BCDIN3D: variants seen among roughly 807,000 people sequenced by gnomAD.
The protein encoded by BCDIN3D is RNA 5'-monophosphate methyltransferase.
A neutral mutation model predicts 21.2 loss-of-function variants in BCDIN3D; 15 were observed. The observed-to-expected ratio is 0.71, with a 90% CI of 0.47 to 1.09. BCDIN3D has a LOEUF of 1.09. Ranked by LOEUF, BCDIN3D falls within the 50% of genes least tolerant of loss-of-function variation. The pLI is 0.00. For missense variants in BCDIN3D, 331 were observed against 366.2 expected, an observed-to-expected ratio of 0.90 and a Z score of 0.79; for synonymous variants, 127 against 141.9, an observed-to-expected ratio of 0.90 and a Z score of 0.75.
At chr12:49,842,791 A>G in intron 1 of BCDIN3D, 63 bp downstream of exon 1, 4 of 1,402,830 alleles carry the variant, frequency 2.9e-6, no homozygotes, top group South Asian at 2.6e-5. Flanking sequence ...CCAGAACCAC[A>G]GTGGATGTGT....
At chr12:49,839,048 G>T (rs1176453981) in intron 1 of BCDIN3D, 33 bp from the exon 2 acceptor site, 2 of 1,586,174 alleles carry the variant, frequency 1.3e-6, no homozygotes, top group Non-Finnish European at 1.7e-6. Flanking sequence ...TGTCACTGCA[G>T]TTCTCAATCA....
rs1157120416 is a variant in BCDIN3D at position 49,837,454 on chromosome 12, AT to A, written c.*916del. 2 of 151,118 alleles carry A rather than the reference AT, an allele frequency of 1.3e-5. No individual in the cohort carries two copies. Among genetic ancestry groups the A allele is most frequent in the South Asian group, 4.2e-4 (2 of 4,774 alleles). The allele number at this position is 151,118 out of a possible 1,614,324, so 9.4% of individuals were successfully genotyped here. A position where few individuals can be genotyped will look rare whatever the true frequency, so the allele number is the denominator to read the frequency against. On this transcript the variant is annotated 3_prime_UTR_variant, in exon 2 of 2. Coordinates refer to ENST00000333924, the MANE Select transcript of BCDIN3D (RefSeq NM_181708.3). ...AGGCGCCCGCCACTACGCCCGGCTA[AT>A]TTTTTGTATTTTTAGTAGAGACGGG...
Position 49,838,933 on chromosome 12 carries a change from A to T in BCDIN3D, c.317T>A (p.Leu106His). 6.2e-7 allele frequency: 1 copy of T among 1,614,176 alleles called. No individual in the cohort carries two copies. Among genetic ancestry groups the T allele is most frequent in the Non-Finnish European group, 8.5e-7 (1 of 1,180,034 alleles). Reference sequence around the variant, plus strand: ...GACTGGATCTATGTCGCAGCAGAGGAGACGGAATTCTCTTGAGGCATCTGA... The same window carrying T: ...GACTGGATCTATGTCGCAGCAGAGGTGACGGAATTCTCTTGAGGCATCTGA... ...TCSDASREFR[L>H]LCCDIDPVLV... Residue 106 changes from leucine to histidine, a missense_variant, in exon 2 of 2, where the codon CTC becomes CAC. Coordinates refer to ENST00000333924, the MANE Select transcript of BCDIN3D (RefSeq NM_181708.3).
chr12:49,836,462 G>A lies in BCDIN3D; in HGVS notation c.*1909C>T, dbSNP rs1191218356. On this transcript the variant is annotated 3_prime_UTR_variant, in exon 2 of 2. Coordinates refer to ENST00000333924, the MANE Select transcript of BCDIN3D (RefSeq NM_181708.3). The stretch of plus-strand genomic sequence containing the variant: ...GTGCGCTGCCTTGGTGGAGTGAGAG[G>A]AGAGAGCACCCAGCAGGGTTACAGG... 1.3e-5 allele frequency: 2 copies of A among 152,208 alleles called. No homozygotes were observed. Among genetic ancestry groups the A allele is most frequent in the Admixed American group, 1.3e-4 (2 of 15,274 alleles). The allele number at this position is 152,208 out of a possible 1,614,324, so 9.4% of individuals were successfully genotyped here.
At chr12:49,840,924 C>A (rs768370360) in intron 1 of BCDIN3D, 1 of 151,834 alleles carries the variant, frequency 6.6e-6, no homozygotes, top group South Asian at 2.1e-4. Flanking sequence ...TGGGTTCAAG[C>A]GATCCTCCTC....
chr12:49,841,252 C>T (rs1175347360), intron 1 of BCDIN3D: 4 of 152,118 alleles, frequency 2.6e-5, no homozygotes, highest in African/African-American at 9.7e-5. Context: ...AAATTATAAA[C>T]AGTAGTGCCA....
At position 49,842,947 on chromosome 12, in the gene BCDIN3D, G is replaced by A. The variant is rs1365431636; in HGVS notation, c.141C>T (p.Leu47=). Reference sequence around the variant, plus strand: ...GAAGCAGCTCCGGGGGCAGGAGGCGGAGCCGTTGCTCCGGAGGGTGGAAGC... The same window carrying A: ...GAAGCAGCTCCGGGGGCAGGAGGCGAAGCCGTTGCTCCGGAGGGTGGAAGC... ...YSRFHPPEQR[L]RLLPPELLRQ... is the part of the protein sequence containing the mutation. The change falls in exon 1 of 2, where the codon CTC becomes CTT. Residue 47 remains leucine, a synonymous_variant. Transcript: ENST00000333924. 39 of 1,614,236 alleles carry A rather than the reference G, an allele frequency of 2.4e-5. No individual in the cohort carries two copies. The highest frequency in any genetic ancestry group is 3.1e-5 in the Non-Finnish European group (37 of 1,180,044).
chr12:49,836,416 C>T lies in BCDIN3D; in HGVS notation c.*1955G>A, dbSNP rs1946506053. The T allele has an allele frequency of 6.6e-6, 1 of 152,202 alleles. No individual in the cohort carries two copies. The highest frequency in any genetic ancestry group is 1.5e-5 in the Non-Finnish European group (1 of 68,038). The allele number at this position is 152,202 out of a possible 1,614,324, so 9.4% of individuals were successfully genotyped here. ...CTTGGGGGACCATTATTCATCCTAC[C>T]ACAGCCCCATGTATGTTTCTGTGCG... is the stretch of plus-strand genomic sequence containing the variant. On this transcript the variant is annotated 3_prime_UTR_variant, in exon 2 of 2. Coordinates refer to ENST00000333924, the MANE Select transcript of BCDIN3D (RefSeq NM_181708.3).
At chr12:49,842,348 G>C (rs1159436771) in intron 1 of BCDIN3D, 1 of 153,312 alleles carries the variant, frequency 6.5e-6, no homozygotes, top group African/African-American at 2.4e-5. Flanking sequence ...GAAAGTGCTG[G>C]GATTACAGGC....
intron 1 of BCDIN3D, chr12:49,839,233 T>C: frequency 1.9e-6 from 1 of 537,658 alleles, no homozygotes; most frequent in South Asian, 2.3e-5. Context: ...TCCCCATATT[T>C]TCCTGACACT....
chr12:49,838,266 G>A lies in BCDIN3D; in HGVS notation c.*105C>T, dbSNP rs1946524226. ...CTTGGACATTTTACCAAAAGCTCCT[G>A]CCAGGTTTTGCGGCTGCCTGATTGT... On this transcript the variant is annotated 3_prime_UTR_variant, in exon 2 of 2. Coordinates refer to ENST00000333924, the MANE Select transcript of BCDIN3D (RefSeq NM_181708.3). 1 of 1,197,676 alleles carries A rather than the reference G, an allele frequency of 8.3e-7. No individual in the cohort carries two copies. The highest frequency in any genetic ancestry group is 2.3e-5 in the Admixed American group (1 of 43,672). 74.2% of individuals were successfully genotyped at this position (1,197,676 alleles called of 1,614,324 possible).
chr12:49,840,448 G>A (rs908675099), intron 1 of BCDIN3D: 3 of 152,238 alleles, frequency 2.0e-5, no homozygotes, highest in African/African-American at 4.8e-5. Flanking sequence ...CCTCTGGGTA[G>A]AGATAGAGGT....
At chr12:49,840,208 T>C (rs1004837088) in intron 1 of BCDIN3D, 5 of 152,088 alleles carry the variant, frequency 3.3e-5, no homozygotes, top group Non-Finnish European at 5.9e-5. Context: ...ATCATGAAGA[T>C]AGAATACTAA....
intron 1 of BCDIN3D, among the ~76,000 whole-genome samples, chr12:49,841,824 TGGAG>T (rs989053011): frequency 5.9e-5 from 9 of 152,256 alleles, no homozygotes; most frequent in African/African-American, 2.2e-4. Flanking sequence ...ACTGGAGTGA[TGGAG>T]GGAGCGCAGA....
In BCDIN3D at chr12:49,842,868, C is replaced by T. The variant is rs1946562684; in HGVS notation, c.220G>A (p.Gly74Arg). The change falls in exon 1 of 2, where the codon GGG becomes AGG. Residue 74 changes from glycine (G) to arginine (R), a missense_variant. Gly to Arg is a moderately radical substitution (Grantham distance 125, BLOSUM62 -2). Coordinates refer to ENST00000333924, the MANE Select transcript of BCDIN3D (RefSeq NM_181708.3). ...ENGPILGLDV[G>R]CNSGDLSVAL... ...CTGTCACTCACCCCGGAGTTACACC[C>T]CACGTCGAGCCCCAGAATCGGCCCG... The T allele has an allele frequency of 6.2e-7, 1 of 1,603,138 alleles. No individual in the cohort carries two copies. The highest frequency in any genetic ancestry group is 1.1e-5 in the South Asian group (1 of 89,374).
At position 49,837,111 on chromosome 12, in the gene BCDIN3D, G is replaced by A. The variant is rs1946510698; in HGVS notation, c.*1260C>T. The stretch of plus-strand genomic sequence containing the variant: ...CAATGATTACTATCAAATGAGATAG[G>A]ACTAGGTTTTGAATGAGGGTAGTGA... On this transcript the variant is annotated 3_prime_UTR_variant, in exon 2 of 2. Transcript: ENST00000333924. 1 of 152,276 alleles carries A rather than the reference G, an allele frequency of 6.6e-6. No individual in the cohort carries two copies. Among genetic ancestry groups the A allele is most frequent in the East Asian group, 1.9e-4 (1 of 5,184 alleles). 9.4% of individuals were successfully genotyped at this position (152,276 alleles called of 1,614,324 possible). A position where few individuals can be genotyped will look rare whatever the true frequency, so the allele number is the denominator to read the frequency against.
intron 1 of BCDIN3D, 150 bp downstream of exon 1, chr12:49,842,704 G>C (rs1592773646): frequency 1.5e-6 from 1 of 688,654 alleles, no homozygotes; most frequent in East Asian, 2.7e-5. Flanking sequence ...CTGGCGGGCA[G>C]GCAGCAGCGG....
chr12:49,839,115 C>T (rs567510981), intron 1 of BCDIN3D, 100 bp from the exon 2 acceptor site: 19 of 1,354,114 alleles, frequency 1.4e-5, no homozygotes, highest in Non-Finnish European at 4.0e-6. Flanking sequence ...TTACCTCTGG[C>T]TGTATAGGAT....
chr12:49,842,747 G>C, intron 1 of BCDIN3D, 107 bp downstream of exon 1: 1 of 1,032,152 alleles, frequency 9.7e-7, no homozygotes, highest in Middle Eastern at 2.1e-4. Context: ...CTTTATACTC[G>C]TTTTGGGAAA....
Sources: gnomAD v4.1 joint callset for allele counts (sites outside exome capture counted in the v4.1 genomes callset) on GRCh38, gnomAD v4.1.1 for gene constraint, MANE v1.5 for transcripts, NCBI Gene and HGNC (gene_info 2026-07-23, HGNC 2026-07-21) for gene names.